SBNO1: variants seen among roughly 807,000 people sequenced by gnomAD.
SBNO1 encodes protein strawberry notch homolog 1.
A neutral mutation model predicts 173.6 loss-of-function variants in SBNO1; 23 were observed. The observed-to-expected ratio is 0.13, with a 90% confidence interval of 0.10 to 0.19. The LOEUF (loss-of-function observed/expected upper bound fraction) is 0.19. Among genes scored for constraint, SBNO1 ranks in the 10% least tolerant of loss-of-function variants. The pLI, the probability that SBNO1 is intolerant of heterozygous loss-of-function variation, is 1.00. For synonymous variants in SBNO1, 632 were observed against 571.5 expected (o/e 1.11, Z -1.51); for missense variants, 1,238 against 1,671.2 (o/e 0.74, Z 4.52).
In SBNO1 at chr12:123,309,473, C is replaced by T. The variant is rs746951674; in HGVS notation, c.3537+16G>A. The T allele has an allele frequency of 3.7e-6, 6 of 1,607,006 alleles. No homozygotes were observed. The African/African-American group carries it at 6.7e-5, about 18-fold the overall frequency. ...CTCATGGGAAGACGATACTTCACAA[C>T]ATTTTCTAAACTTACTGTGTATAAT... On this transcript the variant is annotated intron_variant, in intron 27 of 31. Coordinates refer to ENST00000602398, the MANE Select transcript of SBNO1 (RefSeq NM_001167856.3).
intron 24 of SBNO1, among the ~76,000 whole-genome samples, chr12:123,312,812 C>T (rs1868755406): frequency 6.6e-6 from 1 of 152,050 alleles, no homozygotes; most frequent in Non-Finnish European, 1.5e-5. Context: ...GAATTCATGG[C>T]CAATTTTGTT....
intron 24 of SBNO1, 106 bp downstream of exon 24, chr12:123,313,513 AT>A (rs1319497739): frequency 1.3e-5 from 8 of 618,672 alleles, no homozygotes; most frequent in Admixed American, 3.0e-5. Flanking sequence ...GTTTTATACA[AT>A]TTATGTCCAA....
rs1382853947 is a variant in SBNO1 at position 123,309,314 on chromosome 12, A to G, written c.3626T>C (p.Leu1209Ser). ...AATTTAAAGGAAAAGTCGTACTTGC[A>G]ATGACAAGTAAAAGCCATCGTCTGG... ...TGPDDGFYLS[L>S]QIRNNKKTAI... is the part of the protein sequence containing the mutation. Residue 1209 changes from leucine (L) to serine (S), a missense_variant, in exon 28 of 32, where the codon TTG becomes TCG. Leu to Ser is a moderately radical substitution (Grantham distance 145, BLOSUM62 -2). This residue lies in a region of SBNO1 where 351 missense variants were observed against 420.3 expected (regional missense o/e 0.84). Transcript: ENST00000602398. The G allele has an allele frequency of 6.2e-7, 1 of 1,610,866 alleles. No homozygotes were observed. Among genetic ancestry groups the G allele is most frequent in the Non-Finnish European group, 8.5e-7 (1 of 1,177,002 alleles).
intron 23 of SBNO1, 149 bp downstream of exon 23, chr12:123,315,224 G>C (rs778953272): frequency 3.2e-6 from 2 of 622,882 alleles, no homozygotes; most frequent in Middle Eastern, 8.5e-4. Flanking sequence ...ACATACATGT[G>C]AAATTCTGTC....
chr12:123,346,592 A>G (rs1181907957), intron 3 of SBNO1, among the ~76,000 whole-genome samples: 1 of 152,222 alleles, frequency 6.6e-6, no homozygotes, highest in African/African-American at 2.4e-5. Flanking sequence ...TGAACACAGG[A>G]GGCGGAGGTT....
intron 1 of SBNO1, among the ~76,000 whole-genome samples, chr12:123,359,555 A>AC (rs1192028522): frequency 3.0e-3 from 2 of 664 alleles, no homozygotes; most frequent in African/African-American, 0.02. Flanking sequence ...ACTCCGTCTC[A>AC]AAAAAAAAAA....
At chr12:123,308,877 G>A (rs2048986994) in intron 28 of SBNO1, among the ~76,000 whole-genome samples, 1 of 152,226 alleles carries the variant, frequency 6.6e-6, no homozygotes. Context: ...GCCGAGGCAG[G>A]CAGGTCACCT....
chr12:123,313,178 G>A lies in SBNO1; in HGVS notation c.3220+442C>T, dbSNP rs1238578323. ...GATCATGCCACTGCACTCCAGCCTG[G>A]CGACAGAGCAAGACTCGGTCTTAAA... On this transcript the variant is annotated intron_variant, in intron 24 of 31. Transcript: ENST00000602398. Among the ~76,000 whole-genome samples, 3 of 149,542 alleles carry A rather than the reference G, an allele frequency of 2.0e-5. No homozygotes were observed. In the East Asian group the frequency reaches 5.9e-4, roughly 29 times the overall value.
At chr12:123,302,682 A>T (rs1740895552) in intron 30 of SBNO1, 142 bp downstream of exon 30, 3 of 680,064 alleles carry the variant, frequency 4.4e-6, no homozygotes, top group Admixed American at 2.6e-5. Context: ...ACTGTCCAGT[A>T]AATATTCCTG....
At chr12:123,322,416 TCC>T (rs776646670) in intron 16 of SBNO1, among the ~76,000 whole-genome samples, 3 of 152,060 alleles carry the variant, frequency 2.0e-5, no homozygotes, top group Admixed American at 6.6e-5. Flanking sequence ...TGCCTCAGCC[TCC>T]CTTATAGCTG....
Position 123,348,034 on chromosome 12 carries a change from C to A in SBNO1, c.232G>T (p.Val78Leu), listed in dbSNP as rs1021587244. 1 of 1,584,102 alleles carries A rather than the reference C, an allele frequency of 6.3e-7. No individual in the cohort carries two copies. Among genetic ancestry groups the A allele is most frequent in the Admixed American group, 1.7e-5 (1 of 59,446 alleles). The change falls in exon 3 of 32, where the codon GTG (valine) becomes TTG (leucine). Residue 78 changes from valine (V) to leucine (L), a missense_variant. Physicochemically the swap from Val to Leu is conservative, Grantham distance 32 (BLOSUM62 1). Transcript: ENST00000602398. ...ETVPTPALLN[V>L]RQQPPSTTTF... ...CGAATCTAAATCATTCTTACCCTCA[C>A]ATTTAATAGTGCTGGAGTAGGTACA...
chr12:123,360,462 T>A (rs1462187144), intron 1 of SBNO1, among the ~76,000 whole-genome samples: 3 of 152,008 alleles, frequency 2.0e-5, no homozygotes, highest in Non-Finnish European at 4.4e-5. Context: ...TTTTTTCTTT[T>A]GAGACAGAGT....
At position 123,294,534 on chromosome 12, in the gene SBNO1, TATA is replaced by T. The variant is rs1039585720; in HGVS notation, c.*1371_*1373del. The T allele has an allele frequency of 2.0e-5, 3 of 152,034 alleles. No homozygotes were observed. Among genetic ancestry groups the T allele is most frequent in the African/African-American group, 7.4e-5 (3 of 40,318 alleles). 9.4% of individuals were successfully genotyped at this position (152,034 alleles called of 1,614,324 possible). ...TAAACAAGAGTCCACTTCTTGTTAG[TATA>T]ATAACTTTTTATTTGACATCTACAA... On this transcript the variant is annotated 3_prime_UTR_variant, in exon 32 of 32. Transcript: ENST00000602398.
Position 123,320,594 on chromosome 12 carries a change from G to A in SBNO1, c.2505C>T (p.Thr835=). 6.2e-7 allele frequency: 1 copy of A among 1,611,656 alleles called. No individual in the cohort carries two copies. Among genetic ancestry groups the A allele is most frequent in the South Asian group, 1.1e-5 (1 of 90,426 alleles). Residue 835 remains threonine, a synonymous_variant, in exon 19 of 32, where the codon ACC becomes ACT. Coordinates refer to ENST00000602398, the MANE Select transcript of SBNO1 (RefSeq NM_001167856.3). ...TTGTTATAAGGCTACTGTTACTGTT[G>A]GTGTTACTGTTAGCTAGATAAAGAA... ...APNSTPANSN[T]NSNSSLITSQ...
chr12:123,361,629 G>C (rs1875188546), intron 1 of SBNO1, among the ~76,000 whole-genome samples: 1 of 151,610 alleles, frequency 6.6e-6, no homozygotes, highest in African/African-American at 2.4e-5. Context: ...AGCTACTCAG[G>C]AGGCTGAGGC....
intron 19 of SBNO1, 144 bp downstream of exon 19, chr12:123,320,288 T>C (rs1367235669): frequency 1.3e-5 from 11 of 840,792 alleles, no homozygotes; most frequent in African/African-American, 3.4e-5. Context: ...CAGCAGTTCA[T>C]TGGATGTAGG....
chr12:123,298,109 G>A lies in SBNO1; in HGVS notation c.3908C>T (p.Thr1303Ile). ...CACTGAACCACATAATACATAATATGTACGGCAACGAAGACCTATTTCACA... is the reference window on the plus strand; with the variant it reads ...CACTGAACCACATAATACATAATATATACGGCAACGAAGACCTATTTCACA... ...LVCEIGLRCR[T>I]YYVLCGSVLS... Residue 1303 changes from threonine to isoleucine, a missense_variant, in exon 31 of 32, where the codon ACA becomes ATA. By Grantham distance (89) the Thr-to-Ile change is moderately conservative. Transcript: ENST00000602398. 6.2e-7 allele frequency: 1 copy of A among 1,611,630 alleles called. No homozygotes were observed. The highest frequency in any genetic ancestry group is 8.5e-7 in the Non-Finnish European group (1 of 1,179,442).
At chr12:123,317,071 C>CG in intron 21 of SBNO1, 150 bp downstream of exon 21, 1 of 757,822 alleles carries the variant, frequency 1.3e-6, no homozygotes, top group East Asian at 2.5e-5. Flanking sequence ...CTCCCGGACT[C>CG]AAGTTATCCT....
At chr12:123,359,676 A>G (rs1874900657) in intron 1 of SBNO1, among the ~76,000 whole-genome samples, 1 of 152,158 alleles carries the variant, frequency 6.6e-6, no homozygotes, top group African/African-American at 2.4e-5. Context: ...TCTGATCTAT[A>G]TATTGCCTCC....
Sources: allele counts gnomAD v4.1 joint callset (sites outside exome capture counted in the v4.1 genomes callset), GRCh38; gene constraint gnomAD v4.1.1; regional missense constraint gnomAD v4.1.1; transcripts MANE v1.5; gene names NCBI Gene and HGNC (gene_info 2026-07-23, HGNC 2026-07-21).